The following SHQ1 variants were observed in gnomAD, a reference collection of about 807,000 sequenced individuals.
SHQ1 encodes the protein SHQ1, H/ACA ribonucleoprotein assembly factor, also known as protein SHQ1 homolog.
Under a neutral mutation model 53.8 loss-of-function variants are expected in SHQ1, and 49 were observed. The ratio of observed to expected loss-of-function variants is 0.91; its 90% confidence interval spans 0.72 to 1.16. The LOEUF is 1.16. SHQ1 is among the 50% of genes most tolerant of loss of function. The probability of loss-of-function intolerance (pLI) is 0.00; values close to 1 mark genes in which losing one functional copy is unlikely to be tolerated. For missense variants in SHQ1, 738 were observed against 683.1 expected, an observed-to-expected ratio of 1.08 and a Z score of -0.90; for synonymous variants, 243 against 251.0, an observed-to-expected ratio of 0.97 and a Z score of 0.30.
downstream of SHQ1, among the ~76,000 whole-genome samples, chr3:72,748,971 G>A (rs868342828): frequency 7.6e-5 from 11 of 144,144 alleles, 1 homozygote; most frequent in African/African-American, 2.2e-4. Context: ...ACACGCACAC[G>A]CACACACACA....
chr3:72,784,761 A>C (rs1040022947), intron 10 of SHQ1, among the ~76,000 whole-genome samples: 1 of 152,176 alleles, frequency 6.6e-6, no homozygotes, highest in Admixed American at 6.5e-5. Flanking sequence ...AGAGTGTCTG[A>C]TTATCGCTCT....
chr3:72,787,751 C>A (rs191145852), intron 10 of SHQ1, among the ~76,000 whole-genome samples: 1 of 151,028 alleles, frequency 6.6e-6, no homozygotes, highest in Non-Finnish European at 1.5e-5. Flanking sequence ...TGCACGGTCT[C>A]CCTCTGATGC....
the SHQ1 span, among the ~76,000 whole-genome samples, chr3:72,729,486 G>A: frequency 6.6e-6 from 1 of 152,140 alleles, no homozygotes; most frequent in Non-Finnish European, 1.5e-5. Flanking sequence ...TCCAGGTCTT[G>A]CAAACACATT....
intron 10 of SHQ1, 102 bp downstream of exon 10, chr3:72,792,806 AAAAAACAC>A: frequency 1.2e-6 from 1 of 802,528 alleles, no homozygotes; most frequent in African/African-American, 1.9e-5. Context: ...AAAAAAAAAA[AAAAAACAC>A]AACTTACTCC....
At chr3:72,788,325 GA>G (rs1706309017) in intron 10 of SHQ1, among the ~76,000 whole-genome samples, 1 of 145,756 alleles carries the variant, frequency 6.9e-6, no homozygotes, top group Non-Finnish European at 1.5e-5. Flanking sequence ...GCCCGGCTGC[GA>G]CCCCATCTGG....
intron 10 of SHQ1, among the ~76,000 whole-genome samples, chr3:72,756,436 C>T (rs62251644): frequency 0.23 from 34,827 of 151,908 alleles, 4,196 homozygotes; most frequent in Non-Finnish European, 0.25. Context: ...CCACCACGCC[C>T]GGCTAATTTT....
intron 10 of SHQ1, chr3:72,773,264 A>AAGAAAG (rs1705892658): frequency 3.0e-6 from 2 of 667,918 alleles, no homozygotes; most frequent in Non-Finnish European, 5.7e-6. Context: ...AGAAAGAGAC[A>AAGAAAG]AGAAAGAGAA....
chr3:72,804,097 T>G (rs1451424022), intron 9 of SHQ1, among the ~76,000 whole-genome samples: 1 of 152,030 alleles, frequency 6.6e-6, no homozygotes, highest in Non-Finnish European at 1.5e-5. Context: ...AAAAAACATT[T>G]TTTTTTTCTA....
intron 10 of SHQ1, among the ~76,000 whole-genome samples, chr3:72,778,804 A>G (rs1441207065): frequency 2.6e-5 from 4 of 152,212 alleles, no homozygotes; most frequent in Non-Finnish European, 5.9e-5. Context: ...AGTTCTGTAT[A>G]GAAAAGATTC....
chr3:72,820,698 C>A (rs930143157), intron 6 of SHQ1, among the ~76,000 whole-genome samples: 1 of 152,164 alleles, frequency 6.6e-6, no homozygotes, highest in African/African-American at 2.4e-5. Context: ...TATGACTTAG[C>A]TACACTACAA....
At chr3:72,762,907 T>G (rs1210439028) in intron 10 of SHQ1, among the ~76,000 whole-genome samples, 1 of 151,680 alleles carries the variant, frequency 6.6e-6, no homozygotes, top group Admixed American at 6.6e-5. Flanking sequence ...ACCCCTTACC[T>G]CCGGTGATCC....
At chr3:72,752,596 G>A (rs750416634) in intron 10 of SHQ1, among the ~76,000 whole-genome samples, 2 of 151,214 alleles carry the variant, frequency 1.3e-5, no homozygotes, top group Non-Finnish European at 2.9e-5. Flanking sequence ...GTGTGATCTC[G>A]GCTCACTGCA....
At chr3:72,797,104 A>G (rs1359428927) in intron 9 of SHQ1, among the ~76,000 whole-genome samples, 1 of 151,770 alleles carries the variant, frequency 6.6e-6, no homozygotes. Flanking sequence ...CTAAAAATAC[A>G]AAAATTAGCC....
chr3:72,760,661 G>A (rs930350548), intron 10 of SHQ1, among the ~76,000 whole-genome samples: 1 of 152,138 alleles, frequency 6.6e-6, no homozygotes, highest in Non-Finnish European at 1.5e-5. Flanking sequence ...CTGCTTACAG[G>A]GTAGTTGTTA....
intron 10 of SHQ1, among the ~76,000 whole-genome samples, chr3:72,752,550 C>G (rs954600264): frequency 4.0e-5 from 6 of 151,224 alleles, no homozygotes; most frequent in Admixed American, 3.3e-4. Flanking sequence ...TTTTTTGAGA[C>G]AGAGTCTCAC....
intron 6 of SHQ1, among the ~76,000 whole-genome samples, chr3:72,823,662 C>G (rs899448379): frequency 6.6e-6 from 1 of 152,068 alleles, no homozygotes; most frequent in East Asian, 1.9e-4. Context: ...AGGTACAAAC[C>G]GGGTATACGT....
intron 9 of SHQ1, among the ~76,000 whole-genome samples, chr3:72,812,148 G>A (rs1043980123): frequency 1.3e-5 from 2 of 152,174 alleles, no homozygotes; most frequent in Non-Finnish European, 2.9e-5. Context: ...GAGTAGCTGA[G>A]CTTTTTGTTG....
intron 10 of SHQ1, among the ~76,000 whole-genome samples, chr3:72,779,380 AG>A (rs1297567173): frequency 2.0e-5 from 3 of 152,176 alleles, no homozygotes; most frequent in African/African-American, 7.2e-5. Context: ...ACATTTCCCC[AG>A]GGGATCCTCC....
intron 10 of SHQ1, among the ~76,000 whole-genome samples, chr3:72,752,336 G>C (rs1705402935): frequency 6.6e-6 from 1 of 152,174 alleles, no homozygotes; most frequent in South Asian, 2.1e-4. Flanking sequence ...TTCTGTAAAG[G>C]AGATAAGGTG....
Sources: gnomAD v4.1 joint callset for allele counts (sites outside exome capture counted in the v4.1 genomes callset) on GRCh38, gnomAD v4.1.1 for gene constraint, MANE v1.5 for transcripts, NCBI Gene and HGNC (gene_info 2026-07-23, HGNC 2026-07-21) for gene names.